Variants in HEATR1 observed in about 807,000 individuals in gnomAD.
HEATR1 encodes the protein HEAT repeat-containing protein 1.
A neutral mutation model predicts 248.2 loss-of-function variants in HEATR1; 77 were observed. That is an observed-to-expected ratio of 0.31 (90% CI 0.26 to 0.37). HEATR1 has a LOEUF of 0.37. Ranked by LOEUF, HEATR1 falls within the 10% of genes least tolerant of loss-of-function variation. The pLI is 1.00. For synonymous variants in HEATR1, 897 were observed against 923.1 expected (o/e 0.97, Z 0.51); for missense variants, 2,420 against 2,504.9 (o/e 0.97, Z 0.72).
At chr1:236,568,900 A>AC (rs1159239720) in intron 29 of HEATR1, 96 bp downstream of exon 29, 98 of 577,362 alleles carry the variant, frequency 1.7e-4, no homozygotes, top group South Asian at 3.0e-4. Context: ...AAAAAAAACA[A>AC]AAAAAAAAAA....
At chr1:236,599,741 TA>T in intron 3 of HEATR1, 117 bp from the exon 4 acceptor site, 2 of 930,420 alleles carry the variant, frequency 2.1e-6, no homozygotes, top group Non-Finnish European at 3.1e-6. Flanking sequence ...CGAGTAGCAG[TA>T]AAAATCACAA....
chr1:236,599,041 C>T (rs1664249510), intron 4 of HEATR1, among the ~76,000 whole-genome samples: 1 of 152,164 alleles, frequency 6.6e-6, no homozygotes, highest in African/African-American at 2.4e-5. Context: ...TGAAGTTATC[C>T]TTATCCTTTT....
In HEATR1 at chr1:236,572,429, A is replaced by C; in HGVS notation, c.3689T>G (p.Leu1230Arg). 1 of 1,614,116 alleles carries C rather than the reference A, an allele frequency of 6.2e-7. No homozygotes were observed. The highest frequency in any genetic ancestry group is 8.5e-7 in the Non-Finnish European group (1 of 1,179,964). Residue 1230 changes from leucine (L) to arginine (R), a missense_variant, in exon 26 of 45, where the codon CTT (leucine) becomes CGT (arginine). Transcript: ENST00000366582. ...LRSPQILVPT[L>R]FNLLSRCLEP... The stretch of plus-strand genomic sequence containing the variant: ...TCATTACCTTGATAGCAAGTTAAAA[A>C]GAGTTGGCACCAATATCTGAGGACT...
At chr1:236,559,209 C>G in intron 34 of HEATR1, 74 bp from the exon 35 acceptor site, 9 of 1,131,960 alleles carry the variant, frequency 8.0e-6, no homozygotes, top group Non-Finnish European at 1.1e-5. Context: ...TTAAGACAGA[C>G]TGCTGTCCAC....
chr1:236,580,358 TTGC>T (rs1356525066), intron 20 of HEATR1, among the ~76,000 whole-genome samples: 1 of 152,220 alleles, frequency 6.6e-6, no homozygotes, highest in Non-Finnish European at 1.5e-5. Context: ...ATCTAACCCA[TTGC>T]TGCTACAGCT....
In HEATR1 at chr1:236,560,291, T is replaced by C. The variant is rs142229238; in HGVS notation, c.4647-454A>G. 3.6e-3 allele frequency among the ~76,000 whole-genome samples: 541 copies of C among 151,562 alleles called. 3 individuals are homozygous for C. Among genetic ancestry groups the C allele is most frequent in the Non-Finnish European group, 6.2e-3 (422 of 67,898 alleles). ...CCATTTATATAAAGAGAAATATTAA[T>C]AGAAATGAACATATAACCCACTTCT... On this transcript the variant is annotated intron_variant, in intron 33 of 44. Coordinates refer to ENST00000366582, the MANE Select transcript of HEATR1 (RefSeq NM_018072.6).
In HEATR1 at chr1:236,565,935, C is replaced by T. The variant is rs770798211; in HGVS notation, c.4419G>A (p.Leu1473=). The change falls in exon 31 of 45, where the codon CTG becomes CTA. Residue 1473 remains leucine (L), a synonymous_variant. Transcript: ENST00000366582. ...TACGCTTACCTTCTTTTTCCTCTGG[C>T]AGCTTTAGTAAGTACTGGAGGATAT... ...LMNILQYLLK[L]PEEKEETIPK... 4 of 1,613,202 alleles carry T rather than the reference C, an allele frequency of 2.5e-6. No homozygotes were observed. The East Asian group carries it at 8.9e-5, about 36-fold the overall frequency.
At chr1:236,593,159 A>C (rs1664086273) in intron 9 of HEATR1, among the ~76,000 whole-genome samples, 1 of 151,750 alleles carries the variant, frequency 6.6e-6, no homozygotes, top group Admixed American at 6.6e-5. Context: ...GTGCCATTGC[A>C]CTCCAGCCTG....
At chr1:236,555,214 CAAGCACTAGGTT>C (rs1165770352) in intron 41 of HEATR1, 70 bp downstream of exon 41, 4 of 1,433,800 alleles carry the variant, frequency 2.8e-6, no homozygotes, top group Non-Finnish European at 3.8e-6. Flanking sequence ...ATCTTGCTTC[CAAGCACTAGGTT>C]GTGTCTTACT....
rs376042124 is a variant in HEATR1 at position 236,592,013 on chromosome 1, T to C, written c.1402A>G (p.Thr468Ala). 4.5e-5 allele frequency: 72 copies of C among 1,598,486 alleles called. No homozygotes were observed. The highest frequency in any genetic ancestry group is 2.1e-4 in the South Asian group (19 of 89,780). Residue 468 changes from threonine to alanine, a missense_variant, in exon 11 of 45, where the codon ACA (threonine) becomes GCA (alanine). Coordinates refer to ENST00000366582, the MANE Select transcript of HEATR1 (RefSeq NM_018072.6). ...CATACCTGATACTTTCCTCCACTTGTAGAAAGAGAAACAAACTGATGGAAA... is the reference window on the plus strand; with the variant it reads ...CATACCTGATACTTTCCTCCACTTGCAGAAAGAGAAACAAACTGATGGAAA... ...ELFHQFVSLS[T>A]SGGKYQFLAD...
Position 236,553,726 on chromosome 1 carries a change from A to G in HEATR1, c.6092T>C (p.Leu2031Pro). Residue 2031 changes from leucine (L) to proline (P), a missense_variant, in exon 43 of 45, where the codon CTT becomes CCT. Physicochemically the swap from Leu to Pro is moderately conservative, Grantham distance 98. Transcript: ENST00000366582. The part of the protein sequence containing the change: ...MPLVDQLENR[L>P]GGEEKFQERV... ...TTCCTGGAATTTCTCTTCTCCCCCA[A>G]GCCTGTTTTCCAGCTAGGAAGAGTA... is the stretch of plus-strand genomic sequence containing the variant. 6.2e-7 allele frequency: 1 copy of G among 1,612,334 alleles called. No homozygotes were observed. The highest frequency in any genetic ancestry group is 8.5e-7 in the Non-Finnish European group (1 of 1,179,164).
Position 236,581,279 on chromosome 1 carries a change from T to C in HEATR1, c.2698A>G (p.Met900Val), listed in dbSNP as rs752248066. The change falls in exon 20 of 45, where the codon ATG (methionine) becomes GTG (valine). Residue 900 changes from methionine to valine, a missense_variant. Transcript: ENST00000366582. ...CACTGTGTCTTCTGAGAAGAAAGCA[T>C]TGCACAGCCCACATAAAGAGCTTGA... ...QTQALYVGCA[M>V]LSSQKTQCKH... 22 of 1,613,722 alleles carry C rather than the reference T, an allele frequency of 1.4e-5. No individual in the cohort carries two copies. The highest frequency in any genetic ancestry group is 1.6e-4 in the Middle Eastern group (1 of 6,084).
chr1:236,588,191 G>C (rs1465534763), intron 12 of HEATR1, 148 bp from the exon 13 acceptor site: 1 of 507,830 alleles, frequency 2.0e-6, no homozygotes. Flanking sequence ...AAACACACTA[G>C]AACTAGATAA....
chr1:236,571,464 C>T lies in HEATR1; in HGVS notation c.3835G>A (p.Asp1279Asn), dbSNP rs148676376. ...DGGKIPKDIL[D>N]EEKFNVELIV... ...AACTCCACGTTGAACTTCTCCTCAT[C>T]TAAAATATCTACAATGGTGAGAAAG... Residue 1279 changes from aspartate (D) to asparagine (N), a missense_variant, in exon 28 of 45, where the codon GAT (aspartate) becomes AAT (asparagine). Physicochemically the swap from Asp to Asn is conservative, Grantham distance 23 (BLOSUM62 1). Transcript: ENST00000366582. 2,811 of 1,613,778 alleles carry T rather than the reference C, an allele frequency of 1.7e-3. 4 individuals are homozygous for T. Among genetic ancestry groups the T allele is most frequent in the Non-Finnish European group, 2.1e-3 (2,513 of 1,179,950 alleles).
chr1:236,572,538 C>A lies in HEATR1; in HGVS notation c.3580G>T (p.Glu1194Ter). The change falls in exon 26 of 45, where the codon GAA becomes TAA. Residue 1194 changes from glutamate to a stop codon, truncating the protein, a stop_gained. Coordinates refer to ENST00000366582, the MANE Select transcript of HEATR1 (RefSeq NM_018072.6). LOFTEE classifies it high-confidence loss of function. ...GAACCTCCAACTTCCTGAACAGATT[C>A]TAGATCTTGTGATTTTCTGGAAAAT... ...KMQQKKSQDL[E>*]SVQEVGGSYW... 1 of 1,613,834 alleles carries A rather than the reference C, an allele frequency of 6.2e-7. No homozygotes were observed. The highest frequency in any genetic ancestry group is 8.5e-7 in the Non-Finnish European group (1 of 1,179,910).
rs201306384 is a variant in HEATR1 at position 236,594,044 on chromosome 1, T to C, written c.1161A>G (p.Ser387=). 4.8e-5 allele frequency: 76 copies of C among 1,599,356 alleles called. No individual in the cohort carries two copies. The highest frequency in any genetic ancestry group is 3.9e-4 in the Admixed American group (22 of 57,064). The change falls in exon 9 of 45, where the codon TCA becomes TCG. Residue 387 remains serine (S), a synonymous_variant. Coordinates refer to ENST00000366582, the MANE Select transcript of HEATR1 (RefSeq NM_018072.6). ...RHLEAILTKI[S]LKNNLDHLLA... Reference sequence around the variant, plus strand: ...ACAAATGGTCTAAGTTGTTCTTCAGTGATATTTTTGTAAGTATAGCTTCTA... The same window carrying C: ...ACAAATGGTCTAAGTTGTTCTTCAGCGATATTTTTGTAAGTATAGCTTCTA...
At position 236,564,512 on chromosome 1, in the gene HEATR1, T is replaced by C; in HGVS notation, c.4585A>G (p.Asn1529Asp). Residue 1529 changes from asparagine to aspartate, a missense_variant, in exon 32 of 45, where the codon AAT (asparagine) becomes GAT (aspartate). Coordinates refer to ENST00000366582, the MANE Select transcript of HEATR1 (RefSeq NM_018072.6). ...GAACACATTACCTTTTTCAGAAAAT[T>C]ATTGGAAGACAGGAGCTGAGACATG... Reference protein sequence around the residue: ...SFMSQLLSSNNFLKKVVESGG... With the variant: ...SFMSQLLSSNDFLKKVVESGG... The C allele has an allele frequency of 1.2e-6, 2 of 1,613,154 alleles. No homozygotes were observed. Among genetic ancestry groups the C allele is most frequent in the Non-Finnish European group, 1.7e-6 (2 of 1,179,864 alleles).
chr1:236,552,358 A>C (rs916493372), intron 43 of HEATR1: 5 of 271,236 alleles, frequency 1.8e-5, no homozygotes. Flanking sequence ...TTTAATGTGA[A>C]ATGTCTTTTT....
intron 20 of HEATR1, among the ~76,000 whole-genome samples, chr1:236,577,446 C>T (rs557445498): frequency 3.0e-4 from 46 of 151,248 alleles, no homozygotes; most frequent in African/African-American, 1.0e-3. Context: ...TAAACTCTTG[C>T]GAATGTTTTC....
Sources: allele counts gnomAD v4.1 joint callset (sites outside exome capture counted in the v4.1 genomes callset), GRCh38; gene constraint gnomAD v4.1.1; transcripts MANE v1.5; gene names NCBI Gene and HGNC (gene_info 2026-07-23, HGNC 2026-07-21).